Variants in EFCAB11 observed in about 807,000 individuals in gnomAD.
EFCAB11 encodes the protein EF-hand calcium binding domain 11.
In EFCAB11, 14 loss-of-function variants were observed where a neutral mutation model predicts 23.0. That is an observed-to-expected ratio of 0.61 (90% CI 0.40 to 0.95). EFCAB11 has a LOEUF of 0.95. Among genes scored for constraint, EFCAB11 ranks in the 40% least tolerant of loss-of-function variants. The pLI is 0.00. For missense variants in EFCAB11, 198 were observed against 195.8 expected (o/e 1.01, Z -0.07); for synonymous variants, 65 against 66.6 (o/e 0.98, Z 0.11).
intron 3 of EFCAB11, among the ~76,000 whole-genome samples, chr14:89,939,046 A>G (rs1474278557): frequency 6.6e-6 from 1 of 151,866 alleles, no homozygotes; most frequent in Non-Finnish European, 1.5e-5. Flanking sequence ...TATCAAACCC[A>G]GGCAGGAATT....
intron 5 of EFCAB11, among the ~76,000 whole-genome samples, chr14:89,917,053 C>T (rs1029870799): frequency 7.3e-6 from 1 of 136,628 alleles, no homozygotes; most frequent in Non-Finnish European, 1.6e-5. Context: ...TGACATGCTT[C>T]GTGTGTGTGT....
chr14:89,907,673 C>A (rs1387673873), intron 5 of EFCAB11, among the ~76,000 whole-genome samples: 1 of 152,048 alleles, frequency 6.6e-6, no homozygotes, highest in Non-Finnish European at 1.5e-5. Context: ...TGTAATAGAT[C>A]TGATTGATAA....
chr14:89,893,777 CA>C (rs542091673), intron 5 of EFCAB11, among the ~76,000 whole-genome samples: 64 of 102,080 alleles, frequency 6.3e-4, no homozygotes, highest in Middle Eastern at 5.5e-3. Flanking sequence ...CACTCGTCTC[CA>C]AAAAAAAAAA....
At chr14:89,870,201 G>A (rs1225135169) in intron 5 of EFCAB11, among the ~76,000 whole-genome samples, 1 of 152,106 alleles carries the variant, frequency 6.6e-6, no homozygotes, top group East Asian at 1.9e-4. Flanking sequence ...ACTGTATCTA[G>A]AATTAGACAT....
At chr14:89,848,103 G>A (rs1316553603) in intron 5 of EFCAB11, among the ~76,000 whole-genome samples, 1 of 152,150 alleles carries the variant, frequency 6.6e-6, no homozygotes, top group African/African-American at 2.4e-5. Context: ...TTTTATTGCA[G>A]TAATAATCAT....
chr14:89,885,781 G>A (rs375955665), intron 5 of EFCAB11, among the ~76,000 whole-genome samples: 96 of 133,296 alleles, frequency 7.2e-4, no homozygotes, highest in African/African-American at 2.3e-3. Flanking sequence ...GAAAGAAAGA[G>A]AGAAAGAAAG....
intron 5 of EFCAB11, among the ~76,000 whole-genome samples, chr14:89,828,440 G>T (rs1258419699): frequency 1.3e-5 from 2 of 152,072 alleles, no homozygotes; most frequent in Non-Finnish European, 2.9e-5. Context: ...GTATGACAGG[G>T]GTAGAAACCA....
chr14:89,834,754 G>A (rs1383603916), intron 5 of EFCAB11, among the ~76,000 whole-genome samples: 2 of 152,174 alleles, frequency 1.3e-5, no homozygotes, highest in East Asian at 3.9e-4. Context: ...AAATCACAGT[G>A]GACTGAAAGA....
intron 5 of EFCAB11, among the ~76,000 whole-genome samples, chr14:89,890,360 A>ATATG (rs1888925038): frequency 3.9e-5 from 6 of 152,226 alleles, no homozygotes; most frequent in Non-Finnish European, 7.3e-5. Flanking sequence ...CATATTCTTT[A>ATATG]AACAGCAATA....
intron 5 of EFCAB11, among the ~76,000 whole-genome samples, chr14:89,908,104 G>C (rs1281406247): frequency 6.6e-6 from 1 of 152,226 alleles, no homozygotes; most frequent in African/African-American, 2.4e-5. Context: ...GTGAAGAGGA[G>C]GGGTGGACCT....
intron 5 of EFCAB11, among the ~76,000 whole-genome samples, chr14:89,906,608 T>C (rs1338421921): frequency 1.3e-5 from 2 of 152,120 alleles, no homozygotes; most frequent in African/African-American, 2.4e-5. Flanking sequence ...AGACAGAAAA[T>C]TGTGTGTGAT....
chr14:89,917,247 A>C (rs1321320412), intron 5 of EFCAB11, among the ~76,000 whole-genome samples: 3 of 151,920 alleles, frequency 2.0e-5, no homozygotes, highest in African/African-American at 7.3e-5. Context: ...ACATCTCCCC[A>C]TCTTCCCCAC....
At chr14:89,954,559 A>AGGCTCAGTCGCCCTCC (rs1891373465) in intron 1 of EFCAB11, 27 bp downstream of exon 1, 1 of 1,611,716 alleles carries the variant, frequency 6.2e-7, no homozygotes. Context: ...CTGAAGTCCG[A>AGGCTCAGTCGCCCTCC]GGCTCAGTCG....
In EFCAB11 at chr14:89,857,199, TA is replaced by T. The variant is rs201716756; in HGVS notation, c.411-59876del. Among the ~76,000 whole-genome samples, 16 of 152,384 alleles carry T rather than the reference TA, an allele frequency of 1.0e-4. No homozygotes were observed. The East Asian group carries it at 3.1e-3, about 29-fold the overall frequency. ...TAATGGTATTTACTTATAGGCTTGT[TA>T]AACTCAACCACAAATAATAAAAATC... On this transcript the variant is annotated intron_variant, in intron 5 of 5. Transcript: ENST00000316738.
chr14:89,929,793 T>G (rs1890327745), intron 5 of EFCAB11, among the ~76,000 whole-genome samples: 1 of 152,216 alleles, frequency 6.6e-6, no homozygotes, highest in Non-Finnish European at 1.5e-5. Flanking sequence ...AAAAATGTTC[T>G]CCCTGTAGCA....
chr14:89,892,773 A>G (rs1355153982), intron 5 of EFCAB11, among the ~76,000 whole-genome samples: 1 of 152,064 alleles, frequency 6.6e-6, no homozygotes. Context: ...GTGGTGGTGC[A>G]TGCCTGTAAT....
At chr14:89,915,246 A>G (rs1392628450) in intron 5 of EFCAB11, among the ~76,000 whole-genome samples, 4 of 152,222 alleles carry the variant, frequency 2.6e-5, no homozygotes, top group Non-Finnish European at 5.9e-5. Context: ...AACATAGACC[A>G]ATGACATTAT....
At chr14:89,876,805 C>G (rs574235186) in intron 5 of EFCAB11, among the ~76,000 whole-genome samples, 1 of 152,300 alleles carries the variant, frequency 6.6e-6, no homozygotes, top group East Asian at 1.9e-4. Flanking sequence ...CTTGGAGCAC[C>G]TGCACAATGC....
chr14:89,866,075 G>T (rs927674005), intron 5 of EFCAB11, among the ~76,000 whole-genome samples: 3 of 152,038 alleles, frequency 2.0e-5, no homozygotes, highest in Non-Finnish European at 2.9e-5. Flanking sequence ...ATGAGTCACC[G>T]TGCCTGGCCT....
Sources: allele counts gnomAD v4.1 joint callset (sites outside exome capture counted in the v4.1 genomes callset), GRCh38; gene constraint gnomAD v4.1.1; transcripts MANE v1.5; gene names NCBI Gene and HGNC (gene_info 2026-07-23, HGNC 2026-07-21).